ADARB2: variants seen among roughly 807,000 people sequenced by gnomAD.
ADARB2 encodes the protein adenosine deaminase RNA specific B2 (inactive).
ADARB2 carries 25 observed loss-of-function variants against 62.2 expected under a neutral mutation model. The observed-to-expected ratio is 0.40, with a 90% CI of 0.29 to 0.56. The LOEUF (loss-of-function observed/expected upper bound fraction) is 0.56, where lower values mean the gene tolerates loss of function less well. Among genes scored for constraint, ADARB2 ranks in the 20% least tolerant of loss-of-function variants. The pLI is 0.43. For missense variants in ADARB2, 1,071 were observed against 1,077.4 expected (o/e 0.99, Z 0.08); for synonymous variants, 572 against 500.8 (o/e 1.14, Z -1.90).
At chr10:1,687,666 A>G (rs1201280209) in intron 1 of ADARB2, among the ~76,000 whole-genome samples, 4 of 152,168 alleles carry the variant, frequency 2.6e-5, no homozygotes, top group Admixed American at 6.5e-5. Context: ...GCAAAAAAAA[A>G]AAATTGAGGA....
intron 3 of ADARB2, among the ~76,000 whole-genome samples, chr10:1,353,171 T>A (rs1163030228): frequency 1.3e-5 from 2 of 152,210 alleles, no homozygotes; most frequent in African/African-American, 4.8e-5. Context: ...AACTCTTAAG[T>A]CCCTCTTAGA....
chr10:1,571,730 G>T (rs908427364), intron 1 of ADARB2, among the ~76,000 whole-genome samples: 1 of 147,580 alleles, frequency 6.8e-6, no homozygotes. Context: ...TGGTGAGTGT[G>T]CAGGTGAATG....
At chr10:1,482,295 C>T (rs1282672654) in intron 1 of ADARB2, among the ~76,000 whole-genome samples, 2 of 152,124 alleles carry the variant, frequency 1.3e-5, no homozygotes, top group African/African-American at 4.8e-5. Flanking sequence ...TACACAATAG[C>T]GTTATTCACA....
At chr10:1,513,656 C>A (rs1335872407) in intron 1 of ADARB2, among the ~76,000 whole-genome samples, 2 of 152,190 alleles carry the variant, frequency 1.3e-5, no homozygotes, top group East Asian at 3.9e-4. Context: ...GTTCTGCAAC[C>A]CCTCTGCCCA....
At chr10:1,231,397 G>GT (rs1830802712) in intron 6 of ADARB2, among the ~76,000 whole-genome samples, 1 of 152,206 alleles carries the variant, frequency 6.6e-6, no homozygotes, top group African/African-American at 2.4e-5. Context: ...GGGTGAGCTG[G>GT]TATCATGTAG....
intron 1 of ADARB2, among the ~76,000 whole-genome samples, chr10:1,558,763 C>T (rs1158218707): frequency 2.7e-5 from 4 of 149,822 alleles, no homozygotes; most frequent in African/African-American, 4.9e-5. Flanking sequence ...CTCCGCCCCA[C>T]TCCGTGGGTG....
At chr10:1,435,574 A>T (rs1258569043) in intron 1 of ADARB2, among the ~76,000 whole-genome samples, 1 of 148,594 alleles carries the variant, frequency 6.7e-6, no homozygotes, top group Non-Finnish European at 1.5e-5. Context: ...ACCATCCTGC[A>T]GTGTCCTCTC....
chr10:1,478,576 T>C (rs1327342033), intron 1 of ADARB2, among the ~76,000 whole-genome samples: 2 of 151,632 alleles, frequency 1.3e-5, no homozygotes. Flanking sequence ...ATAAGGACCC[T>C]CAGACGGGAG....
chr10:1,696,588 G>T (rs1834749082), intron 1 of ADARB2, among the ~76,000 whole-genome samples: 1 of 152,106 alleles, frequency 6.6e-6, no homozygotes, highest in Non-Finnish European at 1.5e-5. Context: ...TAGACATTTA[G>T]GCCTGGCAGC....
intron 1 of ADARB2, among the ~76,000 whole-genome samples, chr10:1,558,725 G>C (rs1428300030): frequency 1.5e-5 from 2 of 131,192 alleles, no homozygotes; most frequent in Non-Finnish European, 3.3e-5. Context: ...CTCAGCCCCC[G>C]CATGCTCCAT....
At chr10:1,302,592 A>G (rs924027990) in intron 3 of ADARB2, among the ~76,000 whole-genome samples, 2 of 152,152 alleles carry the variant, frequency 1.3e-5, no homozygotes, top group Non-Finnish European at 2.9e-5. Context: ...GACAAACAAA[A>G]AGACAGCAGT....
At chr10:1,713,617 G>A (rs1279119976) in intron 1 of ADARB2, among the ~76,000 whole-genome samples, 5 of 152,156 alleles carry the variant, frequency 3.3e-5, no homozygotes, top group Admixed American at 2.0e-4. Flanking sequence ...AAAAAGCAAT[G>A]GGAAGAGAGT....
intron 1 of ADARB2, among the ~76,000 whole-genome samples, chr10:1,608,635 G>A (rs1400878276): frequency 6.7e-6 from 1 of 149,824 alleles, no homozygotes; most frequent in Admixed American, 6.7e-5. Context: ...GAGAAATGAA[G>A]GGAGGGAGGG....
At chr10:1,397,310 T>C (rs3122601) in intron 1 of ADARB2, among the ~76,000 whole-genome samples, 6 of 5,016 alleles carry the variant, frequency 1.2e-3, no homozygotes, top group Middle Eastern at 0.083. Flanking sequence ...TCACCATCAG[T>C]CTCTCCCCTC....
intron 1 of ADARB2, among the ~76,000 whole-genome samples, chr10:1,687,951 G>A (rs567021576): frequency 5.3e-5 from 8 of 152,328 alleles, no homozygotes; most frequent in South Asian, 4.1e-4. Context: ...CACATATGCC[G>A]TTGGATTCAC....
At chr10:1,474,543 G>A (rs188226107) in intron 1 of ADARB2, among the ~76,000 whole-genome samples, 6 of 152,308 alleles carry the variant, frequency 3.9e-5, no homozygotes, top group East Asian at 1.9e-4. Flanking sequence ...CAGCCGGAGC[G>A]GACGGGCAAG....
chr10:1,615,737 G>A (rs1833623408), intron 1 of ADARB2, among the ~76,000 whole-genome samples: 1 of 152,200 alleles, frequency 6.6e-6, no homozygotes, highest in Admixed American at 6.5e-5. Context: ...AGGAGGCTGA[G>A]GCTGTTCCCA....
At chr10:1,484,373 C>T (rs1588274314) in intron 1 of ADARB2, among the ~76,000 whole-genome samples, 2 of 152,200 alleles carry the variant, frequency 1.3e-5, no homozygotes, top group African/African-American at 2.4e-5. Context: ...GAGAAGTTGC[C>T]GGACAGCTGA....
At chr10:1,254,481 C>A (rs1430922999) in intron 4 of ADARB2, among the ~76,000 whole-genome samples, 1 of 152,200 alleles carries the variant, frequency 6.6e-6, no homozygotes, top group Non-Finnish European at 1.5e-5. Context: ...ATCTTTTGGT[C>A]ACTGTTGAAA....
Sources: allele counts gnomAD v4.1 joint callset (sites outside exome capture counted in the v4.1 genomes callset), GRCh38; gene constraint gnomAD v4.1.1; transcripts MANE v1.5; gene names NCBI Gene and HGNC (gene_info 2026-07-23, HGNC 2026-07-21).